Variants in GRIK1 observed in about 807,000 individuals in gnomAD.
GRIK1 encodes glutamate receptor ionotropic, kainate 1.
Under a neutral mutation model 105.7 loss-of-function variants are expected in GRIK1, and 69 were observed. That is an observed-to-expected ratio of 0.65 (90% CI 0.54 to 0.80). The LOEUF (loss-of-function observed/expected upper bound fraction) is 0.80, where lower values mean the gene tolerates loss of function less well. Among genes scored for constraint, GRIK1 ranks in the 30% least tolerant of loss-of-function variants. GRIK1 has a pLI of 0.00. For synonymous variants in GRIK1, 438 were observed against 431.3 expected (o/e 1.02, Z -0.19); for missense variants, 1,109 against 1,167.3 (o/e 0.95, Z 0.73).
intron 1 of GRIK1, among the ~76,000 whole-genome samples, chr21:29,710,761 C>T (rs2064025651): frequency 7.2e-6 from 1 of 139,842 alleles, no homozygotes; most frequent in African/African-American, 2.7e-5. Flanking sequence ...CTTTCCCTCC[C>T]TCCGTCCGTC....
rs146637839 is a variant in GRIK1, at chr21:29,724,823, A to G, written c.119-30760T>C. Reference sequence around the variant, plus strand: ...TCTCACATCCTTGCTTTGTGGGAGCATGTAATCTTTTCTTAGCGTATGTTT... The same window carrying G: ...TCTCACATCCTTGCTTTGTGGGAGCGTGTAATCTTTTCTTAGCGTATGTTT... On this transcript the variant is annotated intron_variant, in intron 1 of 17. Coordinates refer to ENST00000327783, the MANE Select transcript of GRIK1 (RefSeq NM_001330994.2). Among the ~76,000 whole-genome samples, 594 of 152,232 alleles carry G rather than the reference A, an allele frequency of 3.9e-3. 3 individuals are homozygous for G. The highest frequency in any genetic ancestry group is 6.1e-3 in the Non-Finnish European group (412 of 68,012).
intron 1 of GRIK1, among the ~76,000 whole-genome samples, chr21:29,716,746 C>T (rs745614419): frequency 6.6e-6 from 1 of 152,130 alleles, no homozygotes; most frequent in Non-Finnish European, 1.5e-5. Flanking sequence ...AAATTTGTAG[C>T]CTGACAATGC....
chr21:29,601,385 T>A (rs561872265), intron 7 of GRIK1, among the ~76,000 whole-genome samples: 5 of 152,316 alleles, frequency 3.3e-5, no homozygotes, highest in South Asian at 2.1e-4. Flanking sequence ...TCAGCCTCCA[T>A]GTTGGTGTGC....
intron 3 of GRIK1, among the ~76,000 whole-genome samples, chr21:29,688,037 T>C (rs889188786): frequency 1.3e-5 from 2 of 152,224 alleles, no homozygotes; most frequent in African/African-American, 4.8e-5. Flanking sequence ...ACCACACTTA[T>C]GTTTAAAACA....
At chr21:29,649,517 C>G (rs1365418535) in intron 6 of GRIK1, among the ~76,000 whole-genome samples, 1 of 152,202 alleles carries the variant, frequency 6.6e-6, no homozygotes, top group African/African-American at 2.4e-5. Flanking sequence ...TATCACACTT[C>G]CTGCCCAGGG....
At chr21:29,560,519 C>CCTTCCTTTCTTTCTTTCTTTCTTT (rs2090436242) in intron 15 of GRIK1, among the ~76,000 whole-genome samples, 1 of 57,810 alleles carries the variant, frequency 1.7e-5, no homozygotes, top group African/African-American at 9.4e-5. Context: ...TTCCTTCCTT[C>CCTTCCTTTCTTTCTTTCTTTCTTT]CTTTCTTTCT....
At chr21:29,887,860 A>G (rs1196243528) in intron 1 of GRIK1, among the ~76,000 whole-genome samples, 5 of 152,114 alleles carry the variant, frequency 3.3e-5, no homozygotes, top group African/African-American at 1.2e-4. Flanking sequence ...CACTATGGCC[A>G]ATCCAAGGGA....
At chr21:29,543,636 T>C (rs1169863943) in intron 16 of GRIK1, among the ~76,000 whole-genome samples, 1 of 152,184 alleles carries the variant, frequency 6.6e-6, no homozygotes, top group Non-Finnish European at 1.5e-5. Context: ...TGAGTGTTGA[T>C]CACCATATTA....
intron 1 of GRIK1, among the ~76,000 whole-genome samples, chr21:29,812,613 A>G (rs1204552161): frequency 2.6e-5 from 4 of 152,180 alleles, no homozygotes; most frequent in Non-Finnish European, 5.9e-5. Flanking sequence ...TCCTTTGTGA[A>G]CACTTTAATT....
At chr21:29,600,900 C>T (rs985575294) in intron 7 of GRIK1, among the ~76,000 whole-genome samples, 7 of 152,122 alleles carry the variant, frequency 4.6e-5, no homozygotes, top group African/African-American at 1.2e-4. Context: ...AGTAAATTTT[C>T]GTATTTATGC....
chr21:29,870,977 G>A (rs1342161531), intron 1 of GRIK1, among the ~76,000 whole-genome samples: 3 of 152,020 alleles, frequency 2.0e-5, no homozygotes, highest in Non-Finnish European at 4.4e-5. Flanking sequence ...CAGCTCTCAA[G>A]TTCTGGCCGT....
intron 3 of GRIK1, among the ~76,000 whole-genome samples, chr21:29,679,777 C>A (rs2063337292): frequency 6.6e-6 from 1 of 152,154 alleles, no homozygotes; most frequent in Non-Finnish European, 1.5e-5. Flanking sequence ...ATTCTTTGAT[C>A]TACAGGTATG....
intron 1 of GRIK1, among the ~76,000 whole-genome samples, chr21:29,741,173 T>G (rs1185925995): frequency 6.6e-6 from 1 of 152,204 alleles, no homozygotes; most frequent in Non-Finnish European, 1.5e-5. Context: ...TTAAGACAAT[T>G]TGCAACCTTT....
chr21:29,735,622 C>T (rs1049971742), intron 1 of GRIK1, among the ~76,000 whole-genome samples: 1 of 151,934 alleles, frequency 6.6e-6, no homozygotes, highest in Admixed American at 6.6e-5. Flanking sequence ...ATCGGCTGGG[C>T]ACGGTTGCTC....
chr21:29,928,292 G>A (rs1161064687), intron 1 of GRIK1, among the ~76,000 whole-genome samples: 2 of 152,144 alleles, frequency 1.3e-5, no homozygotes, highest in African/African-American at 2.4e-5. Context: ...TAAAAGCATT[G>A]CTTTAAATAC....
intron 13 of GRIK1, among the ~76,000 whole-genome samples, chr21:29,577,825 A>G (rs1568840482): frequency 6.6e-6 from 1 of 152,226 alleles, no homozygotes; most frequent in Non-Finnish European, 1.5e-5. Context: ...TTGTACTTCA[A>G]TAAAATGCTG....
chr21:29,894,604 A>G (rs1210626042), intron 1 of GRIK1, among the ~76,000 whole-genome samples: 1 of 152,090 alleles, frequency 6.6e-6, no homozygotes, highest in East Asian at 1.9e-4. Flanking sequence ...CGACACCCAC[A>G]CAGACATGCC....
Position 29,913,389 on chromosome 21 carries a change from C to T in GRIK1, c.118+25994G>A, listed in dbSNP as rs567239974. Among the ~76,000 whole-genome samples the T allele has an allele frequency of 4.6e-5, 7 of 152,116 alleles. No homozygotes were observed. In the East Asian group the frequency reaches 1.2e-3, roughly 25 times the overall value. Reference sequence around the variant, plus strand: ...GTTTTTAAAATTTTACTTACATATACTTATGTACTTTTATGTAAGTGGGAA... The same window carrying T: ...GTTTTTAAAATTTTACTTACATATATTTATGTACTTTTATGTAAGTGGGAA... On this transcript the variant is annotated intron_variant, in intron 1 of 17. Coordinates refer to ENST00000327783, the MANE Select transcript of GRIK1 (RefSeq NM_001330994.2).
rs1195450053 is a variant in GRIK1, at chr21:29,688,515, T to G, written c.544+1213A>C. 4.1e-5 allele frequency among the ~76,000 whole-genome samples: 4 copies of G among 98,542 alleles called. No individual in the cohort carries two copies. In the East Asian group the frequency reaches 1.0e-3, roughly 26 times the overall value. The allele number at this position is 98,542 out of a possible 152,430, so 64.6% of individuals were successfully genotyped here. ...ATCAAGGAAAGCAACTCATTTCAAC[T>G]CTTGGAGAAAAAAAATTCAGACAAT... On this transcript the variant is annotated intron_variant, in intron 3 of 17. Transcript: ENST00000327783.
Sources: gnomAD v4.1 joint callset for allele counts (sites outside exome capture counted in the v4.1 genomes callset) on GRCh38, gnomAD v4.1.1 for gene constraint, MANE v1.5 for transcripts, NCBI Gene and HGNC (gene_info 2026-07-23, HGNC 2026-07-21) for gene names.